ROBO2: variants seen among roughly 807,000 people sequenced by gnomAD.
ROBO2 encodes roundabout homolog 2.
A neutral mutation model predicts 160.8 loss-of-function variants in ROBO2; 53 were observed. The observed-to-expected ratio is 0.33, with a 90% CI of 0.26 to 0.41. The LOEUF (loss-of-function observed/expected upper bound fraction) is 0.41, where lower values mean the gene tolerates loss of function less well. Among genes scored for constraint, ROBO2 ranks in the 10% least tolerant of loss-of-function variants. ROBO2 has a pLI of 1.00. For missense variants in ROBO2, 1,577 were observed against 1,722.4 expected (o/e 0.92, Z 1.49); for synonymous variants, 664 against 611.7 (o/e 1.09, Z -1.26).
chr3:77,358,906 A>G (rs1427841639), intron 2 of ROBO2, among the ~76,000 whole-genome samples: 1 of 152,204 alleles, frequency 6.6e-6, no homozygotes, highest in Non-Finnish European at 1.5e-5. Flanking sequence ...TAGGTCTGCA[A>G]GATGAGCACA....
intron 2 of ROBO2, among the ~76,000 whole-genome samples, chr3:76,038,998 G>A (rs1462070242): frequency 2.0e-5 from 3 of 152,070 alleles, no homozygotes; most frequent in East Asian, 3.9e-4. Flanking sequence ...CTTAGGATTG[G>A]TAATGTTGAC....
chr3:75,939,007 A>G (rs999050842), intron 2 of ROBO2, among the ~76,000 whole-genome samples: 4 of 152,066 alleles, frequency 2.6e-5, no homozygotes, highest in African/African-American at 9.7e-5. Flanking sequence ...TGTGGCTGTA[A>G]GAGTTGTTTA....
intron 5 of ROBO2, among the ~76,000 whole-genome samples, chr3:77,504,770 A>C (rs771224569): frequency 6.6e-6 from 1 of 152,172 alleles, no homozygotes; most frequent in Non-Finnish European, 1.5e-5. Flanking sequence ...GTTCTCAAGG[A>C]TTTTAGTAGG....
intron 23 of ROBO2, among the ~76,000 whole-genome samples, chr3:77,627,837 A>G (rs569568088): frequency 3.9e-5 from 6 of 152,326 alleles, no homozygotes; most frequent in African/African-American, 1.4e-4. Flanking sequence ...TGGTAATGCA[A>G]CAATTAGCAG....
chr3:77,595,282 A>C (rs2094276307), intron 18 of ROBO2, 98 bp downstream of exon 19: 4 of 933,730 alleles, frequency 4.3e-6, no homozygotes, highest in Non-Finnish European at 6.7e-6. Flanking sequence ...TGATCACTTA[A>C]AAGTCTGAGA....
At chr3:77,171,934 A>G (rs775450279) in intron 2 of ROBO2, among the ~76,000 whole-genome samples, 9 of 152,206 alleles carry the variant, frequency 5.9e-5, no homozygotes, top group Non-Finnish European at 1.0e-4. Context: ...AAGTAGCTGT[A>G]TTTATTTCTC....
At chr3:76,693,981 A>T (rs916636531) in intron 2 of ROBO2, among the ~76,000 whole-genome samples, 2 of 152,186 alleles carry the variant, frequency 1.3e-5, no homozygotes, top group East Asian at 3.9e-4. Context: ...CATCTGGCTA[A>T]CACCTAAAAC....
rs375550993 is a variant in ROBO2, at chr3:76,585,043, G to A, written c.110-512971G>A. On this transcript the variant is annotated intron_variant, in intron 2 of 26. Transcript: ENST00000487694. ...GAACCTGCCATCTAGCAAAGAAAAC[G>A]ATAACAACAAAACAATAATGAAAAT... Among the ~76,000 whole-genome samples the A allele has an allele frequency of 3.0e-4, 45 of 152,208 alleles. 2 individuals carry two copies. The highest frequency in any genetic ancestry group is 2.7e-3 in the South Asian group (13 of 4,818).
At chr3:76,723,805 C>A (rs1329013981) in intron 2 of ROBO2, among the ~76,000 whole-genome samples, 1 of 152,180 alleles carries the variant, frequency 6.6e-6, no homozygotes, top group East Asian at 1.9e-4. Flanking sequence ...ATAGCAGTTT[C>A]TCTAAGTGTG....
At chr3:77,233,372 T>C (rs1184849778) in intron 2 of ROBO2, among the ~76,000 whole-genome samples, 1 of 152,060 alleles carries the variant, frequency 6.6e-6, no homozygotes, top group East Asian at 1.9e-4. Context: ...AGGTAGCACA[T>C]CTGAAGCTGT....
intron 1 of ROBO2, among the ~76,000 whole-genome samples, chr3:77,086,442 A>C (rs1202841522): frequency 1.3e-5 from 2 of 152,152 alleles, no homozygotes; most frequent in East Asian, 3.9e-4. Flanking sequence ...AGAAATTTCA[A>C]GTCAGTCCTA....
chr3:76,335,341 T>C (rs1352962173), intron 2 of ROBO2, among the ~76,000 whole-genome samples: 1 of 149,430 alleles, frequency 6.7e-6, no homozygotes, highest in African/African-American at 2.5e-5. Context: ...CCACCACGCC[T>C]GGTTAATTTT....
chr3:76,729,772 G>A (rs1237933477), intron 2 of ROBO2, among the ~76,000 whole-genome samples: 2 of 151,920 alleles, frequency 1.3e-5, no homozygotes, highest in Admixed American at 1.3e-4. Flanking sequence ...TGAGTAGCTG[G>A]GATTACAGCC....
chr3:76,349,756 G>C (rs997997669), intron 2 of ROBO2, among the ~76,000 whole-genome samples: 34 of 152,052 alleles, frequency 2.2e-4, no homozygotes, highest in African/African-American at 8.0e-4. Context: ...AATAGTAGTA[G>C]CAGGGCCATC....
intron 1 of ROBO2, among the ~76,000 whole-genome samples, chr3:77,069,695 C>A (rs2067210933): frequency 6.6e-6 from 1 of 152,112 alleles, no homozygotes; most frequent in Non-Finnish European, 1.5e-5. Context: ...ATGAAACACT[C>A]TTTTAGGCAC....
chr3:76,932,893 G>GC (rs1368137389), intron 2 of ROBO2, among the ~76,000 whole-genome samples: 2 of 151,976 alleles, frequency 1.3e-5, no homozygotes, highest in East Asian at 1.9e-4. Flanking sequence ...TAATGAAGCT[G>GC]CCCCCGCCCC....
chr3:77,279,369 G>A (rs1257635642), intron 2 of ROBO2, among the ~76,000 whole-genome samples: 4 of 152,074 alleles, frequency 2.6e-5, no homozygotes, highest in Non-Finnish European at 5.9e-5. Context: ...GACTCACAAT[G>A]AAGTCTGTGA....
intron 2 of ROBO2, among the ~76,000 whole-genome samples, chr3:76,874,109 AC>A (rs2148699587): frequency 6.6e-6 from 1 of 152,250 alleles, no homozygotes; most frequent in South Asian, 2.1e-4. Context: ...GAGATAAGTC[AC>A]CCTGGGAATT....
chr3:77,168,076 G>C (rs2079267793), intron 2 of ROBO2, among the ~76,000 whole-genome samples: 1 of 152,168 alleles, frequency 6.6e-6, no homozygotes, highest in Non-Finnish European at 1.5e-5. Flanking sequence ...TCATAAAGTT[G>C]ATTCTACACA....
Sources: gnomAD v4.1 joint callset for allele counts (sites outside exome capture counted in the v4.1 genomes callset) on GRCh38, gnomAD v4.1.1 for gene constraint, MANE v1.5 for transcripts, NCBI Gene and HGNC (gene_info 2026-07-23, HGNC 2026-07-21) for gene names.